Variants in COLGALT1 observed in about 807,000 individuals in gnomAD.
The protein encoded by COLGALT1 is collagen beta(1-O)galactosyltransferase 1, also known as procollagen galactosyltransferase 1.
Under a neutral mutation model 60.8 loss-of-function variants are expected in COLGALT1, and 43 were observed. That is an observed-to-expected ratio of 0.71 (90% CI 0.55 to 0.91). The LOEUF is 0.91. COLGALT1 is among the 40% of genes least tolerant of loss of function. COLGALT1 has a pLI of 0.00. For missense variants in COLGALT1, 845 were observed against 880.0 expected (o/e 0.96, Z 0.50); for synonymous variants, 369 against 374.2 (o/e 0.99, Z 0.16).
chr19:17,556,015 C>T (rs1599772895), intron 1 of COLGALT1, 42 bp downstream of exon 1: 11 of 1,285,270 alleles, frequency 8.6e-6, no homozygotes, highest in Non-Finnish European at 1.1e-5. Context: ...GTCACGCGAG[C>T]CCCTGCTTGC....
At position 17,555,902 on chromosome 19, in the gene COLGALT1, G is replaced by C; in HGVS notation, c.189G>C (p.Ala63=). The C allele has an allele frequency of 7.2e-7, 1 of 1,395,068 alleles. No homozygotes were observed. Among genetic ancestry groups the C allele is most frequent in the South Asian group, 1.5e-5 (1 of 67,896 alleles). The allele number at this position is 1,395,068 out of a possible 1,614,324, so 86.4% of individuals were successfully genotyped here. ...RVLIALLARN[A]AHALPTTLGA... Reference sequence around the variant, plus strand: ...TCATCGCGCTGTTGGCGCGAAACGCGGCCCACGCGTTGCCCACCACGCTGG... The same window carrying C: ...TCATCGCGCTGTTGGCGCGAAACGCCGCCCACGCGTTGCCCACCACGCTGG... The change falls in exon 1 of 12, where the codon GCG becomes GCC. Residue 63 remains alanine (A), a synonymous_variant. Coordinates refer to ENST00000252599, the MANE Select transcript of COLGALT1 (RefSeq NM_024656.4).
At position 17,567,354 on chromosome 19, in the gene COLGALT1, A is replaced by ATGG. The variant is rs2144827225; in HGVS notation, c.490-50_490-48dup. ...CTGGCCTTTGCCCCAGCTGTTCTGA[A>ATGG]TGGTAGCCTGACCTGGCAGCCCATG... On this transcript the variant is annotated intron_variant, in intron 3 of 11. Transcript: ENST00000252599. The ATGG allele has an allele frequency of 3.7e-6, 6 of 1,607,346 alleles. No individual in the cohort carries two copies. The South Asian group carries it at 6.6e-5, about 18-fold the overall frequency.
chr19:17,559,988 C>T (rs991579383), intron 2 of COLGALT1, among the ~76,000 whole-genome samples: 3 of 152,146 alleles, frequency 2.0e-5, no homozygotes, highest in African/African-American at 7.2e-5. Flanking sequence ...TAGGGTCTCA[C>T]TGTGTTGCCC....
intron 11 of COLGALT1, 21 bp downstream of exon 11, chr19:17,580,926 C>T (rs890486038): frequency 6.2e-7 from 1 of 1,612,382 alleles, no homozygotes; most frequent in Middle Eastern, 1.7e-4. Flanking sequence ...CAGGCGGCTG[C>T]TGGGCTGGGG....
chr19:17,560,982 A>G lies in COLGALT1; in HGVS notation c.489+517A>G, dbSNP rs764384015. Among the ~76,000 whole-genome samples the G allele has an allele frequency of 8.2e-4, 124 of 151,990 alleles. 1 individual carries two copies. The Middle Eastern group carries it at 0.017, about 21-fold the overall frequency. On this transcript the variant is annotated intron_variant, in intron 3 of 11. Coordinates refer to ENST00000252599, the MANE Select transcript of COLGALT1 (RefSeq NM_024656.4). Reference sequence around the variant, plus strand: ...CACTTTAGGAGGCCAAGGCGGGTGGATCACTTGAGGTCAGGAGGTCGAGAC... The same window carrying G: ...CACTTTAGGAGGCCAAGGCGGGTGGGTCACTTGAGGTCAGGAGGTCGAGAC...
At chr19:17,575,702 T>C (rs1372614426) in intron 6 of COLGALT1, among the ~76,000 whole-genome samples, 1 of 150,074 alleles carries the variant, frequency 6.7e-6, no homozygotes. Flanking sequence ...TTTTTGGAGA[T>C]GGAGTCTCTG....
chr19:17,573,268 C>G (rs544631376), intron 6 of COLGALT1, among the ~76,000 whole-genome samples: 136 of 152,166 alleles, frequency 8.9e-4, no homozygotes, highest in Middle Eastern at 3.4e-3. Flanking sequence ...TGGCTCATGC[C>G]TGTAATCCTA....
At chr19:17,560,258 G>T (rs2076240317) in intron 2 of COLGALT1, 90 bp from the exon 3 acceptor site, 1 of 935,866 alleles carries the variant, frequency 1.1e-6, no homozygotes, top group East Asian at 2.4e-5. Context: ...CCTCCAGGAA[G>T]CTCTCTCTGA....
chr19:17,556,460 T>TC (rs1336237907), intron 1 of COLGALT1: 5 of 845,238 alleles, frequency 5.9e-6, no homozygotes, highest in Non-Finnish European at 7.1e-6. Flanking sequence ...TCAGCCTGGC[T>TC]CCAGGCCCCA....
At chr19:17,564,394 CAAG>C (rs2076268358) in intron 3 of COLGALT1, among the ~76,000 whole-genome samples, 1 of 139,454 alleles carries the variant, frequency 7.2e-6, no homozygotes, top group Non-Finnish European at 1.5e-5. Flanking sequence ...ACATATGAAA[CAAG>C]AAAGAAAAAC....
intron 7 of COLGALT1, 32 bp from the exon 8 acceptor site, chr19:17,577,329 G>A (rs769292047): frequency 1.2e-6 from 2 of 1,607,324 alleles, no homozygotes; most frequent in South Asian, 1.1e-5. Flanking sequence ...GTTTGCAGGG[G>A]CTGATCTGGC....
rs147331498 is a variant in COLGALT1 at position 17,565,367 on chromosome 19, G to A, written c.490-2039G>A. Among the ~76,000 whole-genome samples, 913 of 151,962 alleles carry A rather than the reference G, an allele frequency of 6.0e-3. 10 individuals carry two copies. The highest frequency in any genetic ancestry group is 0.021 in the African/African-American group (866 of 41,438). ...TTTTTAGTAGAGACGGGGTTTCACC[G>A]TGTTGCCCAGGCTGGTCTTGGACTC... On this transcript the variant is annotated intron_variant, in intron 3 of 11. Coordinates refer to ENST00000252599, the MANE Select transcript of COLGALT1 (RefSeq NM_024656.4).
chr19:17,569,741 C>A (rs1458244532), intron 5 of COLGALT1, among the ~76,000 whole-genome samples: 1 of 151,388 alleles, frequency 6.6e-6, no homozygotes, highest in African/African-American at 2.4e-5. Flanking sequence ...CTGGGCCATT[C>A]TCCTAATTTT....
chr19:17,574,807 G>A (rs545816024), intron 6 of COLGALT1, among the ~76,000 whole-genome samples: 6 of 152,218 alleles, frequency 3.9e-5, no homozygotes, highest in African/African-American at 1.2e-4. Context: ...CCTGAGAAGC[G>A]TCTCTGTGGC....
At chr19:17,579,234 C>T (rs932013757) in intron 9 of COLGALT1, among the ~76,000 whole-genome samples, 1 of 151,338 alleles carries the variant, frequency 6.6e-6, no homozygotes, top group Non-Finnish European at 1.5e-5. Flanking sequence ...TGGGGGTGTG[C>T]GGCTGCAAGG....
intron 8 of COLGALT1, 129 bp downstream of exon 8, chr19:17,577,596 G>T: frequency 1.2e-6 from 1 of 860,462 alleles, no homozygotes; most frequent in South Asian, 1.8e-5. Flanking sequence ...CCTCGTCAGT[G>T]GGCGTCCTGA....
intron 1 of COLGALT1, 125 bp downstream of exon 1, chr19:17,556,098 T>C (rs2076209283): frequency 9.1e-7 from 1 of 1,094,832 alleles, no homozygotes; most frequent in Non-Finnish European, 1.2e-6. Context: ...GCGTGCTTCC[T>C]GCTCGCTACC....
At position 17,581,680 on chromosome 19, in the gene COLGALT1, T is replaced by C. The variant is rs938276482; in HGVS notation, c.*236T>C. 2.9e-5 allele frequency: 17 copies of C among 585,330 alleles called. No homozygotes were observed. The Admixed American group carries it at 4.6e-4, about 16-fold the overall frequency. The allele number at this position is 585,330 out of a possible 1,614,324, so 36.3% of individuals were successfully genotyped here. A position where few individuals can be genotyped will look rare whatever the true frequency, so the allele number is the denominator to read the frequency against. ...GGAATTGGGAGGAACCAAGCCCTCT[T>C]CATCTGTTCATGTGCCCAGCATTTA... On this transcript the variant is annotated 3_prime_UTR_variant, in exon 12 of 12. Transcript: ENST00000252599.
intron 4 of COLGALT1, 88 bp downstream of exon 4, chr19:17,567,628 G>T: frequency 6.9e-7 from 1 of 1,453,370 alleles, no homozygotes; most frequent in Non-Finnish European, 9.3e-7. Flanking sequence ...ACAACCTCGT[G>T]GTGTGTGTTT....
Sources: gnomAD v4.1 joint callset for allele counts (sites outside exome capture counted in the v4.1 genomes callset) on GRCh38, gnomAD v4.1.1 for gene constraint, MANE v1.5 for transcripts, NCBI Gene and HGNC (gene_info 2026-07-23, HGNC 2026-07-21) for gene names.